Variants in PTPRD observed in about 807,000 individuals in gnomAD.
PTPRD encodes receptor-type tyrosine-protein phosphatase delta.
Under a neutral mutation model 214.5 loss-of-function variants are expected in PTPRD, and 34 were observed. The observed-to-expected ratio is 0.16, with a 90% confidence interval of 0.12 to 0.21. PTPRD has a LOEUF of 0.21. Ranked by LOEUF, PTPRD falls within the 10% of genes least tolerant of loss-of-function variation. PTPRD has a pLI of 1.00. For synonymous variants in PTPRD, 1,128 were observed against 845.7 expected (o/e 1.33, Z -5.79); for missense variants, 2,545 against 2,398.7 (o/e 1.06, Z -1.27).
chr9:9,259,129 G>A (rs2099979003), intron 9 of PTPRD, among the ~76,000 whole-genome samples: 2 of 151,742 alleles, frequency 1.3e-5, no homozygotes, highest in Admixed American at 6.6e-5. Context: ...CCCATTTATT[G>A]CAAGAGGACA....
intron 2 of PTPRD, among the ~76,000 whole-genome samples, chr9:10,579,358 C>T (rs1045950243): frequency 2.6e-5 from 4 of 152,116 alleles, no homozygotes; most frequent in African/African-American, 4.8e-5. Context: ...TAAGTGAGAA[C>T]GTGAAGTATT....
At chr9:10,572,515 G>A (rs1306738993) in intron 2 of PTPRD, among the ~76,000 whole-genome samples, 1 of 152,136 alleles carries the variant, frequency 6.6e-6, no homozygotes, top group Non-Finnish European at 1.5e-5. Context: ...ATGTCCTCAA[G>A]ACCAAAAACA....
At chr9:8,804,935 A>G (rs1389241356) in intron 11 of PTPRD, among the ~76,000 whole-genome samples, 4 of 152,180 alleles carry the variant, frequency 2.6e-5, no homozygotes, top group Non-Finnish European at 5.9e-5. Flanking sequence ...TTGAAAGAGA[A>G]TCCTGGTGAA....
At position 8,947,488 on chromosome 9, in the gene PTPRD, A is replaced by G. The variant is rs1197380063; in HGVS notation, c.-104+71209T>C. 3.3e-5 allele frequency among the ~76,000 whole-genome samples: 5 copies of G among 149,268 alleles called. No homozygotes were observed. The South Asian group carries it at 1.1e-3, about 32-fold the overall frequency. On this transcript the variant is annotated intron_variant, in intron 11 of 45. Transcript: ENST00000381196. Reference sequence around the variant, plus strand: ...AAAAAAAAAAAAAAAAAGAAAAAAGAAAAAAAAAAGTTACTATGGTAAGGT... The same window carrying G: ...AAAAAAAAAAAAAAAAAGAAAAAAGGAAAAAAAAAGTTACTATGGTAAGGT...
chr9:9,485,544 C>A (rs1033923867), intron 8 of PTPRD, among the ~76,000 whole-genome samples: 1 of 152,118 alleles, frequency 6.6e-6, no homozygotes, highest in Admixed American at 6.5e-5. Context: ...TTTTTCCAAT[C>A]CTTCAACTTC....
chr9:8,518,240 C>G lies in PTPRD; in HGVS notation c.1151G>C (p.Ser384Thr). 2.5e-6 allele frequency: 4 copies of G among 1,614,168 alleles called. No homozygotes were observed. Among genetic ancestry groups the G allele is most frequent in the South Asian group, 1.1e-5 (1 of 91,088 alleles). ...ATTRYSVAGL[S>T]PYSDYEFRVV... ...CCTGAATTCATAATCCGAGTAGGGA[C>G]TTAGTCCAGCGACACTGTAGCGTGT... The change falls in exon 21 of 46, where the codon AGT becomes ACT. Residue 384 changes from serine to threonine, a missense_variant. Coordinates refer to ENST00000381196, the MANE Select transcript of PTPRD (RefSeq NM_002839.4).
At chr9:9,352,392 T>C (rs2051731598) in intron 9 of PTPRD, among the ~76,000 whole-genome samples, 1 of 151,206 alleles carries the variant, frequency 6.6e-6, no homozygotes, top group African/African-American at 2.4e-5. Flanking sequence ...TATGTGTGTA[T>C]ATGTATATAT....
At chr9:8,972,975 C>G (rs1183283050) in intron 11 of PTPRD, among the ~76,000 whole-genome samples, 1 of 149,436 alleles carries the variant, frequency 6.7e-6, no homozygotes, top group Non-Finnish European at 1.5e-5. Context: ...CTTTCATTTG[C>G]AGGCATATTA....
intron 9 of PTPRD, among the ~76,000 whole-genome samples, chr9:9,271,580 A>G (rs1360278078): frequency 2.0e-5 from 3 of 151,450 alleles, no homozygotes; most frequent in African/African-American, 7.3e-5. Context: ...CACTAATTAA[A>G]TTATTAAAAT....
chr9:9,715,264 A>C (rs1345388323), intron 7 of PTPRD, among the ~76,000 whole-genome samples: 1 of 152,166 alleles, frequency 6.6e-6, no homozygotes, highest in Non-Finnish European at 1.5e-5. Context: ...AATTTGAAGG[A>C]AGACAATACA....
intron 44 of PTPRD, among the ~76,000 whole-genome samples, chr9:8,329,956 GGAGTGGAT>G (rs1838194396): frequency 3.6e-5 from 2 of 55,344 alleles, no homozygotes; most frequent in African/African-American, 5.0e-4. Context: ...GGGCTCTGTG[GGAGTGGAT>G]CGTATCTTGC....
intron 10 of PTPRD, among the ~76,000 whole-genome samples, chr9:9,079,747 A>G (rs1194969814): frequency 6.6e-6 from 1 of 152,064 alleles, no homozygotes; most frequent in Non-Finnish European, 1.5e-5. Flanking sequence ...GAGGATCACA[A>G]TATGTATGCA....
chr9:10,345,491 C>T (rs2097057976), intron 2 of PTPRD, among the ~76,000 whole-genome samples: 1 of 151,706 alleles, frequency 6.6e-6, no homozygotes, highest in East Asian at 1.9e-4. Flanking sequence ...GTTCTACTCC[C>T]ACTTATGAGT....
chr9:9,934,089 G>A (rs1296340438), intron 5 of PTPRD, among the ~76,000 whole-genome samples: 1 of 149,584 alleles, frequency 6.7e-6, no homozygotes, highest in Admixed American at 6.6e-5. Flanking sequence ...GTGTGTAGAG[G>A]GAAATTTATA....
At chr9:10,003,094 C>A (rs1482428207) in intron 4 of PTPRD, among the ~76,000 whole-genome samples, 1 of 151,684 alleles carries the variant, frequency 6.6e-6, no homozygotes, top group Non-Finnish European at 1.5e-5. Context: ...GGTGACATAT[C>A]AAGTGTGTCT....
At chr9:8,693,103 G>A (rs1039873326) in intron 12 of PTPRD, among the ~76,000 whole-genome samples, 4 of 152,146 alleles carry the variant, frequency 2.6e-5, no homozygotes, top group East Asian at 1.9e-4. Context: ...ATTATGCGCC[G>A]GGAGTTTTGG....
intron 3 of PTPRD, among the ~76,000 whole-genome samples, chr9:10,051,661 T>A (rs1044961726): frequency 6.6e-6 from 1 of 151,858 alleles, no homozygotes; most frequent in African/African-American, 2.4e-5. Flanking sequence ...CCATGTGTTC[T>A]CATTGTTCAA....
chr9:10,493,512 G>T (rs200106411), intron 2 of PTPRD, among the ~76,000 whole-genome samples: 14 of 152,052 alleles, frequency 9.2e-5, no homozygotes, highest in East Asian at 5.8e-4. Flanking sequence ...GATTCCCTAT[G>T]TAATAAATGG....
rs145303754 is a variant in PTPRD at position 10,343,441 on chromosome 9, T to C, written c.-599-2424A>G. ...TGAATAGTGCTGCAATATACATATA[T>C]GTGCATGTGTCTTTATAGTAGCATG... On this transcript the variant is annotated intron_variant, in intron 2 of 45. Transcript: ENST00000381196. Among the ~76,000 whole-genome samples, 1,337 of 152,264 alleles carry C rather than the reference T, an allele frequency of 8.8e-3. 20 individuals carry two copies. The highest frequency in any genetic ancestry group is 0.031 in the African/African-American group (1,270 of 41,548).
Sources: allele counts gnomAD v4.1 joint callset (sites outside exome capture counted in the v4.1 genomes callset), GRCh38; gene constraint gnomAD v4.1.1; transcripts MANE v1.5; gene names NCBI Gene and HGNC (gene_info 2026-07-23, HGNC 2026-07-21).